Variants in NCALD observed in about 807,000 individuals in gnomAD.
NCALD encodes the protein neurocalcin delta.
In NCALD, 10 loss-of-function variants were observed where a neutral mutation model predicts 18.6. The ratio of observed to expected loss-of-function variants is 0.54; its 90% CI spans 0.33 to 0.91. NCALD has a LOEUF of 0.91. Among genes scored for constraint, NCALD ranks in the 40% least tolerant of loss-of-function variants. The pLI is 0.03. For synonymous variants in NCALD, 88 were observed against 87.4 expected (o/e 1.01, Z -0.04); for missense variants, 184 against 247.6 (o/e 0.74, Z 1.72).
chr8:101,816,286 T>C (rs1054756375), intron 4 of NCALD, among the ~76,000 whole-genome samples: 2 of 152,128 alleles, frequency 1.3e-5, no homozygotes, highest in Non-Finnish European at 2.9e-5. Flanking sequence ...TAAAACAGTA[T>C]GCAAGAAGGA....
intron 1 of NCALD, among the ~76,000 whole-genome samples, chr8:101,750,942 T>TGGTAAAA: frequency 6.6e-6 from 1 of 152,234 alleles, no homozygotes; most frequent in Non-Finnish European, 1.5e-5. Flanking sequence ...CACTTGCTTT[T>TGGTAAAA]AGGGTATATC....
intron 2 of NCALD, among the ~76,000 whole-genome samples, chr8:101,974,255 C>T (rs2131908288): frequency 6.6e-6 from 1 of 152,258 alleles, no homozygotes; most frequent in African/African-American, 2.4e-5. Context: ...TTTGCACCAA[C>T]CTAATATAAA....
intron 1 of NCALD, among the ~76,000 whole-genome samples, chr8:102,024,902 T>C (rs1048541751): frequency 6.6e-6 from 1 of 152,176 alleles, no homozygotes; most frequent in African/African-American, 2.4e-5. Flanking sequence ...TCACACCCCA[T>C]ATTCCAGCCT....
chr8:101,934,411 C>T (rs1563911524), intron 2 of NCALD, among the ~76,000 whole-genome samples: 2 of 151,882 alleles, frequency 1.3e-5, no homozygotes, highest in African/African-American at 2.4e-5. Context: ...GATAAGCTCC[C>T]GCAAGAAGAT....
At chr8:101,958,897 C>A (rs1819735505) in intron 2 of NCALD, among the ~76,000 whole-genome samples, 1 of 152,098 alleles carries the variant, frequency 6.6e-6, no homozygotes, top group African/African-American at 2.4e-5. Context: ...AGAAAAGTTG[C>A]AGAAACAGCA....
chr8:101,911,020 C>T (rs574546498), intron 3 of NCALD, among the ~76,000 whole-genome samples: 3 of 152,214 alleles, frequency 2.0e-5, no homozygotes, highest in East Asian at 3.9e-4. Flanking sequence ...TAATCTACTT[C>T]CTATTTTCAA....
At chr8:101,870,959 T>C (rs970964875) in intron 4 of NCALD, among the ~76,000 whole-genome samples, 32 of 126,142 alleles carry the variant, frequency 2.5e-4, no homozygotes, top group African/African-American at 9.2e-4. Flanking sequence ...CTGGTCGAAA[T>C]TGACCTGAAA....
intron 2 of NCALD, among the ~76,000 whole-genome samples, chr8:101,995,852 C>CA (rs1265405063): frequency 2.6e-5 from 4 of 152,194 alleles, no homozygotes; most frequent in Non-Finnish European, 5.9e-5. Flanking sequence ...CCAATTGTTC[C>CA]AGCAACTTCC....
intron 2 of NCALD, among the ~76,000 whole-genome samples, chr8:101,991,625 G>C (rs1821052452): frequency 6.6e-6 from 1 of 152,140 alleles, no homozygotes; most frequent in African/African-American, 2.4e-5. Flanking sequence ...GGTTTCTGGT[G>C]CCAATAGAGG....
intron 1 of NCALD, among the ~76,000 whole-genome samples, chr8:102,072,419 T>C (rs1350478515): frequency 6.6e-6 from 1 of 152,140 alleles, no homozygotes; most frequent in Non-Finnish European, 1.5e-5. Flanking sequence ...AAGAGAAATA[T>C]ATCAGGTTTA....
At chr8:101,723,611 A>T (rs1483685899) in intron 1 of NCALD, among the ~76,000 whole-genome samples, 1 of 152,220 alleles carries the variant, frequency 6.6e-6, no homozygotes, top group Non-Finnish European at 1.5e-5. Context: ...TCCAATTTTA[A>T]ACCAATCCCT....
rs182926818 is a variant in NCALD at position 101,688,187 on chromosome 8, C to A, written c.*1122G>T. ...TAATGCTGTCAATGGGCTGCTGGGC[C>A]TGAGAGGGAAACCACCCTACTGGTC... On this transcript the variant is annotated 3_prime_UTR_variant, in exon 4 of 4. Coordinates refer to ENST00000220931, the MANE Select transcript of NCALD (RefSeq NM_032041.3). 1.3e-3 allele frequency: 216 copies of A among 161,432 alleles called. No individual in the cohort carries two copies. The highest frequency in any genetic ancestry group is 2.4e-3 in the Non-Finnish European group (174 of 73,302). 10.0% of individuals were successfully genotyped at this position (161,432 alleles called of 1,614,324 possible).
intron 1 of NCALD, among the ~76,000 whole-genome samples, chr8:102,088,108 G>C (rs528420632): frequency 1.3e-5 from 2 of 152,148 alleles, no homozygotes; most frequent in African/African-American, 4.8e-5. Context: ...ATAGAACATG[G>C]GCTTAGAACC....
rs79628939 is a variant in NCALD, at chr8:102,056,306, G to A, written c.-209-36017C>T. Among the ~76,000 whole-genome samples, 570 of 152,228 alleles carry A rather than the reference G, an allele frequency of 3.7e-3. 2 individuals are homozygous for A. The highest frequency in any genetic ancestry group is 0.013 in the African/African-American group (551 of 41,526). On this transcript the variant is annotated intron_variant, in intron 1 of 6. Transcript: ENST00000311028. ...CTGAGCTTTAGGGAGAAGCAAACTC[G>A]AGTCAGAACTCTGAGCCTACCCTTT...
At chr8:102,111,054 A>T (rs2051084572) in intron 1 of NCALD, among the ~76,000 whole-genome samples, 1 of 152,212 alleles carries the variant, frequency 6.6e-6, no homozygotes, top group African/African-American at 2.4e-5. Flanking sequence ...ATACTCCAGG[A>T]TGCCTTTGAA....
chr8:101,808,308 C>T (rs1235154481), intron 4 of NCALD, among the ~76,000 whole-genome samples: 1 of 152,154 alleles, frequency 6.6e-6, no homozygotes, highest in African/African-American at 2.4e-5. Flanking sequence ...TGGAACTACT[C>T]TAACTGTTAG....
At chr8:102,088,111 T>C (rs1824801602) in intron 1 of NCALD, among the ~76,000 whole-genome samples, 1 of 152,212 alleles carries the variant, frequency 6.6e-6, no homozygotes. Flanking sequence ...GAACATGGGC[T>C]TAGAACCCCA....
intron 1 of NCALD, among the ~76,000 whole-genome samples, chr8:102,082,806 C>A (rs1462220384): frequency 6.6e-6 from 1 of 152,196 alleles, no homozygotes; most frequent in Non-Finnish European, 1.5e-5. Context: ...GAGCTCTCCC[C>A]CACCGCAGGG....
At chr8:101,817,659 C>T (rs1283150061) in intron 4 of NCALD, among the ~76,000 whole-genome samples, 1 of 151,902 alleles carries the variant, frequency 6.6e-6, no homozygotes, top group Non-Finnish European at 1.5e-5. Context: ...ATGAGGATTT[C>T]AGAATAATAA....
Sources: gnomAD v4.1 joint callset for allele counts (sites outside exome capture counted in the v4.1 genomes callset) on GRCh38, gnomAD v4.1.1 for gene constraint, MANE v1.5 for transcripts, NCBI Gene and HGNC (gene_info 2026-07-23, HGNC 2026-07-21) for gene names.